PDZRN3: variants seen among roughly 807,000 people sequenced by gnomAD.
PDZRN3 encodes the protein PDZ domain containing ring finger 3, also known as E3 ubiquitin-protein ligase PDZRN3.
PDZRN3 carries 38 observed loss-of-function variants against 85.7 expected under a neutral mutation model. The observed-to-expected ratio is 0.44, with a 90% CI of 0.34 to 0.58. PDZRN3 has a LOEUF of 0.58. Among genes scored for constraint, PDZRN3 ranks in the 20% least tolerant of loss-of-function variants. The pLI, the probability that PDZRN3 is intolerant of heterozygous loss-of-function variation, is 0.01. For missense variants in PDZRN3, 1,629 were observed against 1,506.4 expected (o/e 1.08, Z -1.35); for synonymous variants, 759 against 638.0 (o/e 1.19, Z -2.86).
intron 3 of PDZRN3, among the ~76,000 whole-genome samples, chr3:73,521,295 T>C (rs1367728274): frequency 1.3e-5 from 2 of 152,132 alleles, no homozygotes; most frequent in Non-Finnish European, 2.9e-5. Context: ...AGCCCTCCAA[T>C]TCCCCATTAA....
intron 3 of PDZRN3, chr3:73,404,634 T>G: frequency 8.6e-6 from 4 of 467,580 alleles, no homozygotes; most frequent in Non-Finnish European, 1.5e-5. Flanking sequence ...AAGGCTTAGC[T>G]TCCCCGTGGA....
intron 3 of PDZRN3, among the ~76,000 whole-genome samples, chr3:73,496,784 G>A (rs1703875507): frequency 6.6e-6 from 1 of 152,060 alleles, no homozygotes; most frequent in African/African-American, 2.4e-5. Context: ...TTACCAGGTG[G>A]CCAATCCATC....
At chr3:73,443,561 C>T (rs142655291) in intron 3 of PDZRN3, among the ~76,000 whole-genome samples, 1,727 of 146,938 alleles carry the variant, frequency 0.012, 26 homozygotes, top group African/African-American at 0.038. Flanking sequence ...TCATAGCTCA[C>T]TGCAGCACTG....
At chr3:73,482,022 A>G (rs60150086) in intron 3 of PDZRN3, among the ~76,000 whole-genome samples, 2,400 of 152,304 alleles carry the variant, frequency 0.016, 63 homozygotes, top group African/African-American at 0.054. Flanking sequence ...ATGGTTTTCA[A>G]CATTAAGAGC....
At chr3:73,617,375 T>C (rs1366609239) in intron 1 of PDZRN3, among the ~76,000 whole-genome samples, 1 of 152,200 alleles carries the variant, frequency 6.6e-6, no homozygotes, top group East Asian at 1.9e-4. Context: ...ACAGGCTTAT[T>C]AGGACACTAT....
At chr3:73,413,189 G>A (rs1702007228) in intron 3 of PDZRN3, among the ~76,000 whole-genome samples, 1 of 152,120 alleles carries the variant, frequency 6.6e-6, no homozygotes, top group African/African-American at 2.4e-5. Flanking sequence ...AAGATTCCTT[G>A]TAAAGAGCTT....
At chr3:73,450,990 T>C (rs577667576) in intron 3 of PDZRN3, among the ~76,000 whole-genome samples, 46 of 152,062 alleles carry the variant, frequency 3.0e-4, no homozygotes, top group African/African-American at 1.0e-3. Flanking sequence ...TTTGGAGTTT[T>C]CAGGCCATTG....
chr3:73,385,810 T>C (rs748512717), intron 8 of PDZRN3, 25 bp from the exon 9 acceptor site: 3 of 1,305,720 alleles, frequency 2.3e-6, no homozygotes, highest in East Asian at 2.3e-5. Context: ...AGCCAACACA[T>C]GCCTTAGAAG....
intron 3 of PDZRN3, among the ~76,000 whole-genome samples, chr3:73,508,187 C>T (rs1342984151): frequency 1.3e-5 from 2 of 152,182 alleles, no homozygotes; most frequent in South Asian, 2.1e-4. Flanking sequence ...CTCTCTTCCC[C>T]GGCACATGCT....
chr3:73,592,811 GC>G (rs1167399491), intron 3 of PDZRN3, among the ~76,000 whole-genome samples: 1 of 152,120 alleles, frequency 6.6e-6, no homozygotes, highest in Non-Finnish European at 1.5e-5. Context: ...CTGCCATTCT[GC>G]CCTTGCGTCT....
chr3:73,432,175 C>T (rs138437728), intron 3 of PDZRN3, among the ~76,000 whole-genome samples: 245 of 152,298 alleles, frequency 1.6e-3, no homozygotes, highest in African/African-American at 5.5e-3. Flanking sequence ...TTCCTGCCTG[C>T]GTGCTGGACT....
rs570193287 is a variant in PDZRN3 at position 73,476,349 on chromosome 3, T to TAC, written c.919-71956_919-71955dup. The stretch of plus-strand genomic sequence containing the variant: ...AGATAGACAGTGAAGGGAAAAGTGC[T>TAC]ACACACTTTCCAACAACCAGATCTT... On this transcript the variant is annotated intron_variant, in intron 3 of 9. Coordinates refer to ENST00000263666, the MANE Select transcript of PDZRN3 (RefSeq NM_015009.3). Among the ~76,000 whole-genome samples the TAC allele has an allele frequency of 2.2e-3, 337 of 152,272 alleles. 1 individual carries two copies. Among genetic ancestry groups the TAC allele is most frequent in the African/African-American group, 7.9e-3 (329 of 41,560 alleles).
At chr3:73,462,819 C>A (rs979192483) in intron 3 of PDZRN3, among the ~76,000 whole-genome samples, 9 of 152,148 alleles carry the variant, frequency 5.9e-5, no homozygotes, top group Non-Finnish European at 1.2e-4. Context: ...GCACATTTAA[C>A]ATTTGCAACT....
At chr3:73,569,463 C>T in intron 3 of PDZRN3, 4 of 1,121,672 alleles carry the variant, frequency 3.6e-6, no homozygotes, top group Non-Finnish European at 3.3e-6. Flanking sequence ...GGCGTCTACA[C>T]TGACAATTTC....
intron 3 of PDZRN3, among the ~76,000 whole-genome samples, chr3:73,522,945 T>A (rs760644978): frequency 6.6e-6 from 1 of 152,252 alleles, no homozygotes; most frequent in Non-Finnish European, 1.5e-5. Context: ...TGAAAAGTTA[T>A]GATAGCACAG....
Position 73,384,816 on chromosome 3 carries a change from AGCTCTCGTCATTACGGGT to A in PDZRN3, c.1732_1749del (p.Thr578_Ser583del), listed in dbSNP as rs752811546. 2 of 1,613,878 alleles carry A rather than the reference AGCTCTCGTCATTACGGGT, an allele frequency of 1.2e-6. No individual in the cohort carries two copies. The highest frequency in any genetic ancestry group is 1.7e-6 in the Non-Finnish European group (2 of 1,180,032). On this transcript the variant is annotated inframe_deletion, in exon 10 of 10. Transcript: ENST00000263666. ...TCGTCGCCATTGTTCTCTTGCTCCG[AGCTCTCGTCATTACGGGT>A]GCTCTCGTCGGTCCGCCCCACACCG...
chr3:73,440,467 C>G (rs576170164), intron 3 of PDZRN3, among the ~76,000 whole-genome samples: 1 of 152,200 alleles, frequency 6.6e-6, no homozygotes, highest in African/African-American at 2.4e-5. Flanking sequence ...AGATTTGATG[C>G]GCCTTGATGT....
intron 3 of PDZRN3, among the ~76,000 whole-genome samples, chr3:73,422,005 A>G (rs1702213772): frequency 6.6e-6 from 1 of 152,192 alleles, no homozygotes; most frequent in South Asian, 2.1e-4. Flanking sequence ...GGGTCTTTAT[A>G]TGATGTTTCT....
intron 3 of PDZRN3, among the ~76,000 whole-genome samples, chr3:73,601,096 C>T (rs1464018460): frequency 6.6e-6 from 1 of 152,212 alleles, no homozygotes; most frequent in Non-Finnish European, 1.5e-5. Context: ...GTTCAGTTTG[C>T]TTTCCCTGTG....
Sources: allele counts gnomAD v4.1 joint callset (sites outside exome capture counted in the v4.1 genomes callset), GRCh38; gene constraint gnomAD v4.1.1; transcripts MANE v1.5; gene names NCBI Gene and HGNC (gene_info 2026-07-23, HGNC 2026-07-21).